Variants in TMEM131 observed in about 807,000 individuals in gnomAD.
TMEM131 encodes 2610524E03Rik.
In TMEM131, 66 loss-of-function variants were observed where a neutral mutation model predicts 211.6. That is an observed-to-expected ratio of 0.31 (90% CI 0.26 to 0.38). TMEM131 has a LOEUF of 0.38. TMEM131 is among the 10% of genes least tolerant of loss of function. The pLI is 1.00. For synonymous variants in TMEM131, 844 were observed against 841.3 expected (o/e 1.00, Z -0.06); for missense variants, 2,036 against 2,299.3 (o/e 0.89, Z 2.34).
At chr2:97,853,551 A>G (rs1431246164) in intron 5 of TMEM131, among the ~76,000 whole-genome samples, 1 of 150,410 alleles carries the variant, frequency 6.6e-6, no homozygotes, top group Non-Finnish European at 1.5e-5. Context: ...GGTTGCAGTG[A>G]GCCAAGATTG....
chr2:97,894,611 T>G, intron 3 of TMEM131, among the ~76,000 whole-genome samples: 1 of 152,224 alleles, frequency 6.6e-6, no homozygotes, highest in East Asian at 1.9e-4. Context: ...CCTTGTAAGT[T>G]GGATTCCTAG....
chr2:97,842,458 G>T (rs1360072943), intron 6 of TMEM131, among the ~76,000 whole-genome samples: 8 of 152,108 alleles, frequency 5.3e-5, no homozygotes, highest in Admixed American at 6.5e-5. Flanking sequence ...ATAATGTGCT[G>T]GGTCTCATGA....
chr2:97,961,733 A>G (rs1678826170), intron 1 of TMEM131, among the ~76,000 whole-genome samples: 1 of 152,260 alleles, frequency 6.6e-6, no homozygotes, highest in Admixed American at 6.5e-5. Flanking sequence ...ACGCAAATAC[A>G]TGGTCAACTG....
chr2:97,916,191 T>C (rs368207874), intron 2 of TMEM131, among the ~76,000 whole-genome samples: 234 of 152,320 alleles, frequency 1.5e-3, no homozygotes, highest in South Asian at 7.5e-3. Flanking sequence ...ACTGGGATTA[T>C]AGGCGTGGGC....
intron 3 of TMEM131, among the ~76,000 whole-genome samples, chr2:97,904,249 A>G (rs908809847): frequency 3.9e-5 from 6 of 152,160 alleles, no homozygotes; most frequent in African/African-American, 1.4e-4. Flanking sequence ...GTTCATGTTT[A>G]TAAGAAATAT....
chr2:97,778,696 T>C (rs1679846089), intron 31 of TMEM131, among the ~76,000 whole-genome samples: 2 of 152,248 alleles, frequency 1.3e-5, no homozygotes, highest in Admixed American at 1.3e-4. Context: ...CAAGAATCTC[T>C]AACCTGTTGA....
chr2:97,995,791 G>A lies in TMEM131; in HGVS notation c.-129C>T. 1 of 604,586 alleles carries A rather than the reference G, an allele frequency of 1.7e-6. No individual in the cohort carries two copies. The highest frequency in any genetic ancestry group is 2.2e-6 in the Non-Finnish European group (1 of 448,570). The allele number at this position is 604,586 out of a possible 1,614,324, so 37.5% of individuals were successfully genotyped here. A position where few individuals can be genotyped will look rare whatever the true frequency, so the allele number is the denominator to read the frequency against. On this transcript the variant is annotated 5_prime_UTR_variant, in exon 1 of 41. Transcript: ENST00000186436. ...GAGCGACAACGGTTGCGAGCCCGGGGCTCGATCTCCGAGCGTGGGCCTGGG... is the reference window on the plus strand; with the variant it reads ...GAGCGACAACGGTTGCGAGCCCGGGACTCGATCTCCGAGCGTGGGCCTGGG...
intron 25 of TMEM131, among the ~76,000 whole-genome samples, 158 bp from the exon 26 acceptor site, chr2:97,797,674 C>T (rs930031291): frequency 1.3e-5 from 2 of 152,198 alleles, no homozygotes; most frequent in African/African-American, 4.8e-5. Flanking sequence ...AGCTGGAAAG[C>T]AGCACAGAGT....
intron 1 of TMEM131, among the ~76,000 whole-genome samples, chr2:97,993,663 A>T (rs1020581357): frequency 1.3e-5 from 2 of 152,246 alleles, no homozygotes; most frequent in Non-Finnish European, 2.9e-5. Flanking sequence ...CCACTGGCTG[A>T]TTCAACCACC....
chr2:97,776,780 C>T (rs974725851), intron 31 of TMEM131, among the ~76,000 whole-genome samples: 3 of 152,206 alleles, frequency 2.0e-5, no homozygotes, highest in African/African-American at 7.2e-5. Flanking sequence ...CTAAGAGTCC[C>T]AGCAGTGTAG....
intron 1 of TMEM131, among the ~76,000 whole-genome samples, chr2:97,971,474 CA>C: frequency 6.6e-6 from 1 of 152,274 alleles, no homozygotes; most frequent in East Asian, 1.9e-4. Flanking sequence ...ATCAATTTCC[CA>C]AGCTTGAAAG....
intron 2 of TMEM131, among the ~76,000 whole-genome samples, chr2:97,918,751 A>C (rs1244483660): frequency 6.6e-6 from 1 of 152,242 alleles, no homozygotes; most frequent in Non-Finnish European, 1.5e-5. Context: ...GAAGCAGTGG[A>C]AGAAAACTGA....
Position 97,793,446 on chromosome 2 carries a change from A to C in TMEM131, c.3494T>G (p.Val1165Gly). The C allele has an allele frequency of 6.2e-7, 1 of 1,614,002 alleles. No homozygotes were observed. The highest frequency in any genetic ancestry group is 8.5e-7 in the Non-Finnish European group (1 of 1,179,888). The change falls in exon 30 of 41, where the codon GTG becomes GGG. Residue 1165 changes from valine (V) to glycine (G), a missense_variant. Physicochemically the swap from Val to Gly is moderately radical, Grantham distance 109. Coordinates refer to ENST00000186436, the MANE Select transcript of TMEM131 (RefSeq NM_015348.2). Reference sequence around the variant, plus strand: ...TCTCCTGAGATCAAATGGCCTTCCCACATCGAAGGGCGGGTTCGAGGCCTC... The same window carrying C: ...TCTCCTGAGATCAAATGGCCTTCCCCCATCGAAGGGCGGGTTCGAGGCCTC... ...SFEASNPPFD[V>G]GRPFDLRRIV...
At chr2:97,794,807 G>T in intron 29 of TMEM131, 123 bp downstream of exon 29, 2 of 727,252 alleles carry the variant, frequency 2.8e-6, no homozygotes, top group Non-Finnish European at 2.1e-6. Flanking sequence ...ATTGATAAAG[G>T]CAGAGTTCTG....
intron 4 of TMEM131, among the ~76,000 whole-genome samples, chr2:97,864,045 T>C (rs1674172454): frequency 6.6e-6 from 1 of 152,172 alleles, no homozygotes; most frequent in African/African-American, 2.4e-5. Flanking sequence ...TATTCAACCA[T>C]GAAAAATAAT....
intron 1 of TMEM131, among the ~76,000 whole-genome samples, chr2:97,948,214 T>C (rs1678135553): frequency 6.6e-6 from 1 of 152,160 alleles, no homozygotes; most frequent in Admixed American, 6.5e-5. Flanking sequence ...AAAAATTTTT[T>C]TTTTAGCTTT....
At chr2:97,821,033 T>TC (rs1473268253) in intron 11 of TMEM131, among the ~76,000 whole-genome samples, 1 of 152,164 alleles carries the variant, frequency 6.6e-6, no homozygotes, top group Non-Finnish European at 1.5e-5. Flanking sequence ...GCAGAGGACT[T>TC]CCACAGATAT....
intron 1 of TMEM131, among the ~76,000 whole-genome samples, chr2:97,990,766 A>T (rs1475527054): frequency 1.3e-5 from 2 of 152,196 alleles, no homozygotes; most frequent in African/African-American, 4.8e-5. Flanking sequence ...TCTGACTCTC[A>T]GGTTCTCAGG....
chr2:97,913,935 T>C (rs1256382077), intron 2 of TMEM131, among the ~76,000 whole-genome samples: 2 of 152,168 alleles, frequency 1.3e-5, no homozygotes, highest in Non-Finnish European at 2.9e-5. Flanking sequence ...AGACTATGCT[T>C]CTCTGTCACC....
Sources: allele counts gnomAD v4.1 joint callset (sites outside exome capture counted in the v4.1 genomes callset), GRCh38; gene constraint gnomAD v4.1.1; transcripts MANE v1.5; gene names NCBI Gene and HGNC (gene_info 2026-07-23, HGNC 2026-07-21).